The following ANKFN1 variants were observed in gnomAD, a reference collection of about 807,000 sequenced individuals.
The protein encoded by ANKFN1 is ankyrin repeat and fibronectin type III domain containing 1, also known as ankyrin repeat and fibronectin type-III domain-containing protein 1.
In ANKFN1, 74 loss-of-function variants were observed where a neutral mutation model predicts 108.7. That is an observed-to-expected ratio of 0.68 (90% CI 0.56 to 0.83). ANKFN1 has a LOEUF of 0.83. ANKFN1 is among the 40% of genes least tolerant of loss of function. ANKFN1 has a pLI of 0.00. For synonymous variants in ANKFN1, 547 were observed against 516.2 expected, an observed-to-expected ratio of 1.06 and a Z score of -0.81; for missense variants, 1,505 against 1,382.3, an observed-to-expected ratio of 1.09 and a Z score of -1.41.
rs1555604530 is a variant in ANKFN1 at position 56,170,774 on chromosome 17, T to TATATA, written c.-71+17244_-71+17245insATATA. Among the ~76,000 whole-genome samples the TATATA allele has an allele frequency of 2.6e-3, 180 of 68,070 alleles. 1 individual carries two copies. The highest frequency in any genetic ancestry group is 0.019 in the Middle Eastern group (2 of 104). 44.7% of individuals were successfully genotyped at this position (68,070 alleles called of 152,430 possible). A position where few individuals can be genotyped will look rare whatever the true frequency, so the allele number is the denominator to read the frequency against. Reference sequence around the variant, plus strand: ...TGAGACTCTGTCAAGAAAAAATTTTTTATATATATATATATATATATATAT... The same window carrying TATATA: ...TGAGACTCTGTCAAGAAAAAATTTTTATATATATATATATATATATATATATATAT... On this transcript the variant is annotated intron_variant, in intron 1 of 20. Coordinates refer to ENST00000682825, the MANE Select transcript of ANKFN1 (RefSeq NM_001370326.1).
chr17:56,127,634 G>A (rs965202469), intron 4 of ANKFN1, among the ~76,000 whole-genome samples: 56 of 152,198 alleles, frequency 3.7e-4, no homozygotes, highest in African/African-American at 1.3e-3. Context: ...TTTTCTATCA[G>A]ACAAAAAACA....
At chr17:56,114,955 G>A (rs1230866917) in intron 4 of ANKFN1, among the ~76,000 whole-genome samples, 2 of 152,192 alleles carry the variant, frequency 1.3e-5, no homozygotes, top group Non-Finnish European at 2.9e-5. Context: ...GCCCCCGGAA[G>A]CTGGAAAAGG....
intron 8 of ANKFN1, among the ~76,000 whole-genome samples, chr17:56,375,630 A>T (rs773829760): frequency 3.3e-5 from 5 of 152,108 alleles, no homozygotes; most frequent in Non-Finnish European, 5.9e-5. Flanking sequence ...AGAGATTTAG[A>T]AGAAGGAAAT....
chr17:56,064,330 G>A (rs1453746427), intron 4 of ANKFN1, among the ~76,000 whole-genome samples: 3 of 152,242 alleles, frequency 2.0e-5, no homozygotes, highest in African/African-American at 7.2e-5. Context: ...ACTAACAGGA[G>A]GAAAGGCTAA....
chr17:56,104,046 C>A (rs1431325), intron 4 of ANKFN1, among the ~76,000 whole-genome samples: 81,667 of 152,022 alleles, frequency 0.54, 22,230 homozygotes, highest in East Asian at 0.81. Flanking sequence ...ATGAGCAGAG[C>A]AAGCCATTGA....
chr17:56,459,131 A>G (rs1003265664), intron 14 of ANKFN1, among the ~76,000 whole-genome samples: 1 of 151,712 alleles, frequency 6.6e-6, no homozygotes, highest in Non-Finnish European at 1.5e-5. Context: ...GTGGTGGTGG[A>G]ATGGAATCTC....
intron 4 of ANKFN1, among the ~76,000 whole-genome samples, chr17:56,146,171 A>G (rs1908249481): frequency 6.6e-6 from 1 of 152,218 alleles, no homozygotes; most frequent in African/African-American, 2.4e-5. Flanking sequence ...GATTATGCTG[A>G]TGCAAGAAGT....
At chr17:56,205,768 C>G (rs182113251) in intron 1 of ANKFN1, among the ~76,000 whole-genome samples, 10 of 152,198 alleles carry the variant, frequency 6.6e-5, no homozygotes, top group Admixed American at 6.5e-4. Context: ...TTTCACACTT[C>G]TGCAATTGGT....
intron 8 of ANKFN1, among the ~76,000 whole-genome samples, chr17:56,414,943 T>C (rs2048197145): frequency 6.6e-6 from 1 of 151,884 alleles, no homozygotes; most frequent in African/African-American, 2.4e-5. Flanking sequence ...TCACTTGCAC[T>C]TGGGAGGCAG....
At chr17:56,218,144 T>C (rs1011303755) in intron 2 of ANKFN1, among the ~76,000 whole-genome samples, 2 of 151,854 alleles carry the variant, frequency 1.3e-5, no homozygotes, top group African/African-American at 2.4e-5. Context: ...CCACATCCAA[T>C]AGATCACCTG....
chr17:56,406,089 G>A (rs1467645487), intron 8 of ANKFN1, among the ~76,000 whole-genome samples: 3 of 152,092 alleles, frequency 2.0e-5, no homozygotes, highest in South Asian at 2.1e-4. Context: ...TGAGGCAAGA[G>A]AGGAAAAGGC....
intron 3 of ANKFN1, among the ~76,000 whole-genome samples, chr17:56,269,045 TAGTTATATGACCTGGGCC>T (rs1401885071): frequency 6.6e-6 from 1 of 152,142 alleles, no homozygotes; most frequent in Non-Finnish European, 1.5e-5. Context: ...TTTTTGGGGG[TAGTTATATGACCTGGGCC>T]AGTTGTTTCC....
At chr17:56,146,498 T>A (rs1049952789) in intron 4 of ANKFN1, among the ~76,000 whole-genome samples, 14 of 152,188 alleles carry the variant, frequency 9.2e-5, no homozygotes, top group African/African-American at 2.7e-4. Context: ...TTTCCACCCA[T>A]CCCAAACCTC....
intron 4 of ANKFN1, among the ~76,000 whole-genome samples, chr17:56,077,522 T>G (rs1368400197): frequency 6.6e-6 from 1 of 151,114 alleles, no homozygotes; most frequent in African/African-American, 2.4e-5. Context: ...TGTACATACC[T>G]GTGTGTGATT....
In ANKFN1 at chr17:56,167,324, T is replaced by C. The variant is rs867724606; in HGVS notation, c.-71+13794T>C. Among the ~76,000 whole-genome samples, 880 of 104,548 alleles carry C rather than the reference T, an allele frequency of 8.4e-3. 3 individuals are homozygous for C. Among genetic ancestry groups the C allele is most frequent in the East Asian group, 0.058 (144 of 2,486 alleles). The allele number at this position is 104,548 out of a possible 152,430, so 68.6% of individuals were successfully genotyped here. On this transcript the variant is annotated intron_variant, in intron 1 of 20. Coordinates refer to ENST00000682825, the MANE Select transcript of ANKFN1 (RefSeq NM_001370326.1). The stretch of plus-strand genomic sequence containing the variant: ...ATATATACACACACACACACATATA[T>C]ATATATATATATATATATGTAATTG...
At chr17:56,225,975 C>T (rs1048202641) in intron 2 of ANKFN1, among the ~76,000 whole-genome samples, 2 of 152,150 alleles carry the variant, frequency 1.3e-5, no homozygotes, top group Admixed American at 6.6e-5. Context: ...GGCCAAAGAA[C>T]GCATTATGTG....
chr17:56,108,251 G>A (rs893606197), intron 4 of ANKFN1, among the ~76,000 whole-genome samples: 5 of 152,126 alleles, frequency 3.3e-5, no homozygotes, highest in African/African-American at 1.2e-4. Flanking sequence ...GGCCAGGATG[G>A]TCTCAATCTC....
At position 56,516,817 on chromosome 17, in the gene ANKFN1, A is replaced by G. The variant is rs1297977711; in HGVS notation, c.*5548A>G. On this transcript the variant is annotated 3_prime_UTR_variant, in exon 21 of 21. Transcript: ENST00000682825. Reference sequence around the variant, plus strand: ...GTCGACAGAAGAAATCTAAGCTATCAGAGGGAATGACTTTATTTCATAAGC... The same window carrying G: ...GTCGACAGAAGAAATCTAAGCTATCGGAGGGAATGACTTTATTTCATAAGC... 6.6e-6 allele frequency among the ~76,000 whole-genome samples: 1 copy of G among 152,228 alleles called. No individual in the cohort carries two copies. The highest frequency in any genetic ancestry group is 6.5e-5 in the Admixed American group (1 of 15,290).
intron 1 of ANKFN1, among the ~76,000 whole-genome samples, chr17:56,161,061 A>G (rs1909614427): frequency 6.6e-6 from 1 of 152,216 alleles, no homozygotes; most frequent in Admixed American, 6.5e-5. Context: ...GGAGATTTGT[A>G]TGCCACTTTA....
Sources: gnomAD v4.1 joint callset for allele counts (sites outside exome capture counted in the v4.1 genomes callset) on GRCh38, gnomAD v4.1.1 for gene constraint, MANE v1.5 for transcripts, NCBI Gene and HGNC (gene_info 2026-07-23, HGNC 2026-07-21) for gene names.